The following LAMA1 variants were observed in gnomAD, a reference collection of about 807,000 sequenced individuals.
The protein encoded by LAMA1 is laminin subunit alpha 1.
A neutral mutation model predicts 348.7 loss-of-function variants in LAMA1; 219 were observed. The observed-to-expected ratio is 0.63, with a 90% CI of 0.56 to 0.70. The LOEUF is 0.70. Ranked by LOEUF, LAMA1 falls within the 30% of genes least tolerant of loss-of-function variation. LAMA1 has a pLI of 0.00. For synonymous variants in LAMA1, 1,487 were observed against 1,491.0 expected (o/e 1.00, Z 0.06); for missense variants, 3,744 against 3,888.0 (o/e 0.96, Z 0.99).
chr18:7,103,351 G>A (rs2058299039), intron 1 of LAMA1, among the ~76,000 whole-genome samples: 1 of 152,032 alleles, frequency 6.6e-6, no homozygotes, highest in East Asian at 1.9e-4. Flanking sequence ...CTTGCAGTGA[G>A]CTGAGATCGC....
At chr18:7,069,721 C>T (rs2058138185) in intron 3 of LAMA1, among the ~76,000 whole-genome samples, 1 of 152,254 alleles carries the variant, frequency 6.6e-6, no homozygotes, top group African/African-American at 2.4e-5. Context: ...ACGCCCTGAA[C>T]TCTCATGAAC....
intron 61 of LAMA1, among the ~76,000 whole-genome samples, chr18:6,945,220 T>G (rs1178863954): frequency 6.6e-6 from 1 of 152,124 alleles, no homozygotes; most frequent in Middle Eastern, 3.2e-3. Flanking sequence ...AGATGTCACA[T>G]AAAAACATGC....
At chr18:7,065,363 A>T (rs1367023843) in intron 3 of LAMA1, among the ~76,000 whole-genome samples, 5 of 152,104 alleles carry the variant, frequency 3.3e-5, no homozygotes, top group African/African-American at 1.2e-4. Flanking sequence ...TCTAAAAAAT[A>T]GTCTATTATT....
At chr18:7,017,203 T>C in intron 20 of LAMA1, 75 bp downstream of exon 20, 1 of 1,150,342 alleles carries the variant, frequency 8.7e-7, no homozygotes, top group Non-Finnish European at 1.3e-6. Flanking sequence ...ACTTGGGGAC[T>C]TAGCTCCTTC....
intron 3 of LAMA1, among the ~76,000 whole-genome samples, chr18:7,063,579 C>A (rs1370286965): frequency 6.6e-6 from 1 of 152,042 alleles, no homozygotes; most frequent in Admixed American, 6.6e-5. Context: ...TTCACAATAG[C>A]TAAAAGGTGG....
intron 1 of LAMA1, among the ~76,000 whole-genome samples, chr18:7,117,081 C>T (rs924256772): frequency 1.3e-5 from 2 of 152,176 alleles, no homozygotes; most frequent in African/African-American, 4.8e-5. Flanking sequence ...TCCCCCTGCC[C>T]GGGACGGCTG....
intron 30 of LAMA1, among the ~76,000 whole-genome samples, chr18:7,001,932 T>C (rs2057809480): frequency 6.6e-6 from 1 of 152,240 alleles, no homozygotes; most frequent in Admixed American, 6.5e-5. Flanking sequence ...TTGGGTTCTT[T>C]TGTATCATTA....
chr18:7,008,366 T>C, intron 28 of LAMA1, 122 bp downstream of exon 28: 1 of 1,161,916 alleles, frequency 8.6e-7, no homozygotes, highest in Non-Finnish European at 1.2e-6. Flanking sequence ...TTCTTTTTAA[T>C]TCAAAAAGAG....
At chr18:7,117,631 AG>A in intron 1 of LAMA1, 28 bp downstream of exon 1, 6 of 1,592,234 alleles carry the variant, frequency 3.8e-6, no homozygotes, top group Non-Finnish European at 4.3e-6. Flanking sequence ...TGCGGGGGAC[AG>A]GGACCCTAGG....
intron 1 of LAMA1, among the ~76,000 whole-genome samples, chr18:7,090,844 G>A (rs1308557486): frequency 6.6e-6 from 1 of 152,144 alleles, no homozygotes; most frequent in Admixed American, 6.5e-5. Flanking sequence ...CATGTGAGAC[G>A]ATGAAGAGAA....
At chr18:7,051,669 A>G (rs933876998) in intron 3 of LAMA1, among the ~76,000 whole-genome samples, 1 of 152,190 alleles carries the variant, frequency 6.6e-6, no homozygotes, top group Non-Finnish European at 1.5e-5. Flanking sequence ...TAGTAGTGTT[A>G]AAAGTATTTT....
Position 6,952,709 on chromosome 18 carries a change from G to A in LAMA1, c.8208-1738C>T, listed in dbSNP as rs569000563. Among the ~76,000 whole-genome samples the A allele has an allele frequency of 7.2e-4, 110 of 152,340 alleles. 1 individual carries two copies. The South Asian group carries it at 0.013, about 18-fold the overall frequency. Reference sequence around the variant, plus strand: ...GATGAGATCTCATGCCATCCCACTCGGTCCTGCCCAGAAAGTGAATCCTGT... The same window carrying A: ...GATGAGATCTCATGCCATCCCACTCAGTCCTGCCCAGAAAGTGAATCCTGT... On this transcript the variant is annotated intron_variant, in intron 57 of 62. Coordinates refer to ENST00000389658, the MANE Select transcript of LAMA1 (RefSeq NM_005559.4).
intron 48 of LAMA1, among the ~76,000 whole-genome samples, chr18:6,970,501 A>T (rs1274676309): frequency 6.6e-6 from 1 of 152,166 alleles, no homozygotes; most frequent in African/African-American, 2.4e-5. Flanking sequence ...GAAGAGACTT[A>T]TTATCCAAAG....
intron 36 of LAMA1, among the ~76,000 whole-genome samples, chr18:6,988,050 G>C (rs1361137616): frequency 2.0e-5 from 3 of 152,084 alleles, no homozygotes; most frequent in Non-Finnish European, 4.4e-5. Flanking sequence ...GGAGGTGGAG[G>C]TTGCAGTGAG....
At chr18:6,965,055 C>A (rs776542429) in intron 50 of LAMA1, among the ~76,000 whole-genome samples, 12 of 152,158 alleles carry the variant, frequency 7.9e-5, no homozygotes, top group Non-Finnish European at 1.8e-4. Flanking sequence ...TGATTCCAAT[C>A]CAGCATTTAC....
intron 11 of LAMA1, chr18:7,038,429 C>G (rs1342652440): frequency 5.6e-6 from 2 of 356,898 alleles, no homozygotes; most frequent in African/African-American, 4.2e-5. Context: ...GCCTCCTACT[C>G]CTTAGCGTCT....
intron 1 of LAMA1, among the ~76,000 whole-genome samples, chr18:7,082,174 G>A (rs2058195709): frequency 6.6e-6 from 1 of 151,900 alleles, no homozygotes; most frequent in African/African-American, 2.4e-5. Flanking sequence ...CAAATAGAAG[G>A]ACCCCATTCT....
Position 6,965,410 on chromosome 18 carries a change from A to T in LAMA1, c.7073T>A (p.Leu2358Gln). 6.2e-7 allele frequency: 1 copy of T among 1,614,190 alleles called. No homozygotes were observed. The highest frequency in any genetic ancestry group is 8.5e-7 in the Non-Finnish European group (1 of 1,180,036). The change falls in exon 50 of 63, where the codon CTG becomes CAG. Residue 2358 changes from leucine (L) to glutamine (Q), a missense_variant. By Grantham distance (113) the Leu-to-Gln change is moderately radical. This residue lies in a region of LAMA1 where 1,983 missense variants were observed against 1,934.3 expected (regional missense o/e 1.03). Transcript: ENST00000389658. The part of the protein sequence containing the change: ...YGTKDFLSIE[L>Q]FRGRVKVMTD... ...CATAACCTTCACTCTGCCACGAAAC[A>T]GCTCGATGGATAAAAAGTCTTTCTG...
intron 3 of LAMA1, chr18:7,079,636 G>A (rs1329222093): frequency 7.9e-6 from 3 of 377,938 alleles, no homozygotes; most frequent in Non-Finnish European, 1.5e-5. Flanking sequence ...GGAAATACAT[G>A]TGTTTTCCCC....
Sources: allele counts gnomAD v4.1 joint callset (sites outside exome capture counted in the v4.1 genomes callset), GRCh38; gene constraint gnomAD v4.1.1; regional missense constraint gnomAD v4.1.1; transcripts MANE v1.5; gene names NCBI Gene and HGNC (gene_info 2026-07-23, HGNC 2026-07-21).